Variants in CCDC197 observed in about 807,000 individuals in gnomAD.
CCDC197 encodes the protein coiled-coil domain containing 197, also known as uncharacterized protein CCDC197.
CCDC197 carries 24 observed loss-of-function variants against 13.4 expected under a neutral mutation model. That is an observed-to-expected ratio of 1.80 (90% CI 1.30 to 2.53). The LOEUF is 2.53. Among genes scored for constraint, CCDC197 ranks in the 30% most tolerant of loss-of-function variants. CCDC197 has a pLI of 0.00. For synonymous variants in CCDC197, 99 were observed against 55.5 expected (o/e 1.78, Z -3.48); for missense variants, 255 against 148.8 (o/e 1.71, Z -3.71).
intron 2 of CCDC197, among the ~76,000 whole-genome samples, chr14:93,998,906 G>A (rs1890405238): frequency 6.6e-6 from 1 of 152,244 alleles, no homozygotes; most frequent in African/African-American, 2.4e-5. Flanking sequence ...AGCCCCTGTT[G>A]GACAGTCAGA....
At chr14:93,988,068 A>G (rs1595345583) in intron 1 of CCDC197, among the ~76,000 whole-genome samples, 1 of 38,090 alleles carries the variant, frequency 2.6e-5, no homozygotes. Context: ...AGAGGAGAGG[A>G]GGGGATGAAA....
At chr14:94,000,795 C>A in intron 3 of CCDC197, 1 of 186,830 alleles carries the variant, frequency 5.4e-6, no homozygotes, top group Non-Finnish European at 1.1e-5. Context: ...GGCACTTGCT[C>A]GCTCAGGACA....
chr14:94,003,375 TG>T lies in CCDC197; in HGVS notation c.498+26del. 1 of 418,566 alleles carries T rather than the reference TG, an allele frequency of 2.4e-6. No individual in the cohort carries two copies. The highest frequency in any genetic ancestry group is 4.9e-6 in the Non-Finnish European group (1 of 202,810). The allele number at this position is 418,566 out of a possible 1,614,324, so 25.9% of individuals were successfully genotyped here. On this transcript the variant is annotated intron_variant, in intron 5 of 6. Coordinates refer to ENST00000636493, the MANE Select transcript of CCDC197 (RefSeq NM_001351596.2). The surrounding 1 kb of genome is among the most constrained non-coding windows in gnomAD (Gnocchi z 5.0). The stretch of plus-strand genomic sequence containing the variant: ...ATAATGTGAGTCCAGTCTTTCAGCC[TG>T]GGGGTGGGGTTAGGGGTGGGGAAGG...
intron 1 of CCDC197, among the ~76,000 whole-genome samples, chr14:93,990,078 CCA>C (rs1890181217): frequency 6.6e-6 from 1 of 152,206 alleles, no homozygotes; most frequent in African/African-American, 2.4e-5. Context: ...CTTCTACCAG[CCA>C]CAGAGAAAAT....
At chr14:93,989,800 C>T (rs2141339061) in intron 1 of CCDC197, among the ~76,000 whole-genome samples, 1 of 152,250 alleles carries the variant, frequency 6.6e-6, no homozygotes, top group South Asian at 2.1e-4. Context: ...CTTTGGGTCC[C>T]ATTAGGCTGA....
intron 6 of CCDC197, chr14:94,007,041 G>T (rs1241585991): frequency 6.6e-6 from 1 of 151,940 alleles, no homozygotes; most frequent in Non-Finnish European, 1.5e-5. Flanking sequence ...GGCCAGGCTG[G>T]TCTTCAACTC....
chr14:94,008,067 A>AGTC (rs766776511), intron 6 of CCDC197, among the ~76,000 whole-genome samples: 4 of 152,202 alleles, frequency 2.6e-5, no homozygotes, highest in Non-Finnish European at 5.9e-5. Flanking sequence ...TTGTCTAAAT[A>AGTC]GTCACAGTGT....
chr14:94,008,270 G>A (rs753502923), intron 6 of CCDC197, among the ~76,000 whole-genome samples: 3 of 152,180 alleles, frequency 2.0e-5, no homozygotes, highest in Non-Finnish European at 4.4e-5. Context: ...CTTAAGAAAC[G>A]AATGCCCTTC....
chr14:93,988,497 T>G (rs1250176143), intron 1 of CCDC197, among the ~76,000 whole-genome samples: 7 of 3,866 alleles, frequency 1.8e-3, no homozygotes, highest in South Asian at 0.023. Context: ...GGGGATTGGA[T>G]AGGGGATGGG....
chr14:93,993,044 G>A (rs1352712062), upstream of CCDC197, among the ~76,000 whole-genome samples: 1 of 152,152 alleles, frequency 6.6e-6, no homozygotes, highest in Non-Finnish European at 1.5e-5. Flanking sequence ...CGAATCAATA[G>A]GCCAAGTTTG....
chr14:94,000,577 A>T (rs7156448), intron 3 of CCDC197, among the ~76,000 whole-genome samples: 1 of 151,728 alleles, frequency 6.6e-6, no homozygotes, highest in Admixed American at 6.6e-5. Context: ...AGGTGGGTTT[A>T]GGGGTGGTGA....
chr14:94,006,652 C>A (rs189258714), intron 6 of CCDC197, among the ~76,000 whole-genome samples: 1 of 150,802 alleles, frequency 6.6e-6, no homozygotes, highest in African/African-American at 2.4e-5. Context: ...CCACTGTTCC[C>A]GGCCTATTTG....
At chr14:93,995,473 T>C (rs1309527107), upstream of CCDC197, among the ~76,000 whole-genome samples, 1 of 152,122 alleles carries the variant, frequency 6.6e-6, no homozygotes, top group Non-Finnish European at 1.5e-5. Context: ...CAGCCTGTTG[T>C]CCCTGAGCCT....
chr14:93,996,948 C>T (rs1890332202), upstream of CCDC197, among the ~76,000 whole-genome samples: 1 of 152,184 alleles, frequency 6.6e-6, no homozygotes, highest in African/African-American at 2.4e-5. Context: ...GGGGCTGAGC[C>T]TTGGGGGGGC....
chr14:94,003,327 T>C lies in CCDC197; in HGVS notation c.471T>C (p.Phe157=), dbSNP rs780054972. The C allele has an allele frequency of 1.3e-6, 1 of 778,074 alleles. No homozygotes were observed. The highest frequency in any genetic ancestry group is 1.7e-5 in the Admixed American group (1 of 58,754). 48.2% of individuals were successfully genotyped at this position (778,074 alleles called of 1,614,324 possible). A position where few individuals can be genotyped will look rare whatever the true frequency, so the allele number is the denominator to read the frequency against. ...TCACTTACCAGAAGGACATTGACTTTGACACACACACCAGCAGCAGCTATA... is the reference window on the plus strand; with the variant it reads ...TCACTTACCAGAAGGACATTGACTTCGACACACACACCAGCAGCAGCTATA... The part of the protein sequence containing the change: ...HSITYQKDID[F]DTHTSSSYND... Residue 157 remains phenylalanine, a synonymous_variant, in exon 5 of 7, where the codon TTT becomes TTC. Transcript: ENST00000636493. This position sits in a 1 kb window ranked among gnomAD's most constrained non-coding sequence, Gnocchi z 5.0.
rs1328800337 is a variant in CCDC197, at chr14:93,991,894, G to A, written c.-107+4498G>A. Reference sequence around the variant, plus strand: ...AAGCCACTGTGAGAGGAATAGGCAAGGAGGAGCCAGGGCATCTGGAGCCTC... The same window carrying A: ...AAGCCACTGTGAGAGGAATAGGCAAAGAGGAGCCAGGGCATCTGGAGCCTC... On this transcript the variant is annotated intron_variant, in intron 1 of 7. Transcript: ENST00000640978. 7.9e-5 allele frequency among the ~76,000 whole-genome samples: 12 copies of A among 152,342 alleles called. No homozygotes were observed. The East Asian group carries it at 2.1e-3, about 27-fold the overall frequency.
At chr14:93,988,452 G>C (rs1394435388) in intron 1 of CCDC197, among the ~76,000 whole-genome samples, 1 of 61,676 alleles carries the variant, frequency 1.6e-5, no homozygotes, top group African/African-American at 7.4e-5. Context: ...GGGAGGAGGA[G>C]ATGGGAGGAG....
chr14:93,991,410 C>T (rs1293945785), intron 1 of CCDC197, among the ~76,000 whole-genome samples: 9 of 152,142 alleles, frequency 5.9e-5, no homozygotes, highest in South Asian at 2.1e-4. Context: ...CACTTACAGA[C>T]GAGGACACAG....
chr14:94,006,673 GT>G (rs768432810), intron 6 of CCDC197, among the ~76,000 whole-genome samples: 1 of 151,588 alleles, frequency 6.6e-6, no homozygotes, highest in Non-Finnish European at 1.5e-5. Context: ...TCTTTTTTTA[GT>G]TGAGTTGTAA....
Sources: gnomAD v4.1 joint callset for allele counts (sites outside exome capture counted in the v4.1 genomes callset) on GRCh38, gnomAD v4.1.1 for gene constraint, Gnocchi (gnomAD v3.1) non-coding constraint, MANE v1.5 for transcripts, NCBI Gene and HGNC (gene_info 2026-07-23, HGNC 2026-07-21) for gene names.